CSMD1: variants seen among roughly 807,000 people sequenced by gnomAD.
CSMD1 encodes the protein CUB and sushi domain-containing protein 1.
In CSMD1, 213 loss-of-function variants were observed where a neutral mutation model predicts 417.5. The ratio of observed to expected loss-of-function variants is 0.51; its 90% CI spans 0.46 to 0.57. CSMD1 has a LOEUF of 0.57. CSMD1 is among the 20% of genes least tolerant of loss of function. The pLI, the probability that CSMD1 is intolerant of heterozygous loss-of-function variation, is 0.00. For missense variants in CSMD1, 6,923 were observed against 4,529.7 expected, an observed-to-expected ratio of 1.53 and a Z score of -15.17; for synonymous variants, 2,862 against 1,736.8, an observed-to-expected ratio of 1.65 and a Z score of -16.11.
chr8:2,963,310 G>C lies in CSMD1; in HGVS notation c.9366C>G (p.Ser3122Arg), dbSNP rs1368831951. ...GAGAGAGCTGGTAACCGTCCATGCA[G>C]CTGTAACTTATGCTGGAGCCCCAGC... is the stretch of plus-strand genomic sequence containing the variant. ...DFRWGSSISY[S>R]CMDGYQLSHS... Residue 3122 changes from serine (S) to arginine (R), a missense_variant, in exon 60 of 70, where the codon AGC becomes AGG. Transcript: ENST00000635120. 1.2e-6 allele frequency: 2 copies of C among 1,613,962 alleles called. No homozygotes were observed. Among genetic ancestry groups the C allele is most frequent in the East Asian group, 2.2e-5 (1 of 44,858 alleles).
chr8:3,142,009 G>C (rs1033745721), intron 41 of CSMD1, among the ~76,000 whole-genome samples: 2 of 152,174 alleles, frequency 1.3e-5, no homozygotes, highest in African/African-American at 4.8e-5. Flanking sequence ...GTGTTAGCCA[G>C]GATGGTCTCG....
At chr8:4,261,515 G>A (rs1025576895) in intron 3 of CSMD1, among the ~76,000 whole-genome samples, 1 of 152,172 alleles carries the variant, frequency 6.6e-6, no homozygotes, top group African/African-American at 2.4e-5. Context: ...TAGTAATACT[G>A]TTATTATATA....
chr8:3,606,770 G>T (rs557978348), intron 8 of CSMD1, among the ~76,000 whole-genome samples: 229 of 150,940 alleles, frequency 1.5e-3, no homozygotes, highest in African/African-American at 5.5e-3. Context: ...GGGTACAGTG[G>T]CGTGATCTCC....
intron 3 of CSMD1, among the ~76,000 whole-genome samples, chr8:4,202,673 A>G (rs1615462): frequency 0.98 from 148,811 of 152,316 alleles, 72,793 homozygotes; most frequent in Middle Eastern, 1. Context: ...TACACTCATA[A>G]AACTTTCAGT....
At chr8:4,853,735 G>A (rs568376198) in intron 1 of CSMD1, among the ~76,000 whole-genome samples, 3 of 152,134 alleles carry the variant, frequency 2.0e-5, no homozygotes, top group South Asian at 2.1e-4. Context: ...ATGCAATCTC[G>A]TCATGGAAAA....
intron 37 of CSMD1, among the ~76,000 whole-genome samples, chr8:3,163,080 T>A (rs1017280178): frequency 3.9e-5 from 6 of 152,206 alleles, no homozygotes; most frequent in African/African-American, 7.2e-5. Context: ...CTTTCCATTA[T>A]GAGATGAGCA....
In CSMD1 at chr8:4,006,401, G is replaced by A. The variant is rs191051198; in HGVS notation, c.611-8291C>T. 3.9e-5 allele frequency among the ~76,000 whole-genome samples: 6 copies of A among 152,242 alleles called. No individual in the cohort carries two copies. The East Asian group carries it at 9.7e-4, about 25-fold the overall frequency. ...TCTACTAAAAATACAAAAAATAGCTGGGTGTGGTGGTCCATGCCTGTAATT... is the reference window on the plus strand; with the variant it reads ...TCTACTAAAAATACAAAAAATAGCTAGGTGTGGTGGTCCATGCCTGTAATT... On this transcript the variant is annotated intron_variant, in intron 4 of 69. Coordinates refer to ENST00000635120, the MANE Select transcript of CSMD1 (RefSeq NM_033225.6).
intron 1 of CSMD1, among the ~76,000 whole-genome samples, chr8:4,740,263 A>G (rs1341502199): frequency 1.3e-5 from 2 of 152,210 alleles, no homozygotes; most frequent in Admixed American, 1.3e-4. Context: ...TAATAATATT[A>G]GTAATAGTCT....
At chr8:3,925,584 G>A (rs1280648305) in intron 5 of CSMD1, among the ~76,000 whole-genome samples, 3 of 152,100 alleles carry the variant, frequency 2.0e-5, no homozygotes, top group Admixed American at 2.0e-4. Context: ...GAATCGTGGA[G>A]ACCAGTCTTT....
At chr8:3,003,412 T>C (rs1468930877) in intron 52 of CSMD1, among the ~76,000 whole-genome samples, 2 of 152,198 alleles carry the variant, frequency 1.3e-5, no homozygotes, top group Admixed American at 1.3e-4. Flanking sequence ...TCCCTCAGGA[T>C]GAAATGTAAT....
intron 10 of CSMD1, among the ~76,000 whole-genome samples, chr8:3,522,666 G>C (rs1390151350): frequency 2.0e-5 from 3 of 152,072 alleles, no homozygotes; most frequent in African/African-American, 7.2e-5. Context: ...TGACATGTGA[G>C]TTTCAGTGAG....
At chr8:2,950,472 G>C (rs1194782812) in intron 66 of CSMD1, 129 bp from the exon 67 acceptor site, 3 of 627,622 alleles carry the variant, frequency 4.8e-6, no homozygotes, top group South Asian at 2.0e-5. Flanking sequence ...AACAGAAATT[G>C]TATTTTTATT....
chr8:3,776,229 A>T (rs1347347706), intron 5 of CSMD1, among the ~76,000 whole-genome samples: 1 of 152,150 alleles, frequency 6.6e-6, no homozygotes, highest in Non-Finnish European at 1.5e-5. Flanking sequence ...GCTCATCCGG[A>T]TGGAGGTCAC....
intron 2 of CSMD1, among the ~76,000 whole-genome samples, chr8:4,617,896 T>C (rs1300784519): frequency 6.6e-6 from 1 of 152,168 alleles, no homozygotes. Flanking sequence ...CCTGGACCAA[T>C]GCCTGGGACC....
rs138689697 is a variant in CSMD1 at position 4,044,842 on chromosome 8, G to C, written c.416-12743C>G. Among the ~76,000 whole-genome samples, 601 of 152,344 alleles carry C rather than the reference G, an allele frequency of 3.9e-3. 2 individuals carry two copies. Among genetic ancestry groups the C allele is most frequent in the African/African-American group, 0.014 (577 of 41,586 alleles). ...CCTCGATGAGTAGCACCCCAGGCTT[G>C]TACCATGCTGGGGACTGCACCATCC... is the stretch of plus-strand genomic sequence containing the variant. On this transcript the variant is annotated intron_variant, in intron 3 of 69. Coordinates refer to ENST00000635120, the MANE Select transcript of CSMD1 (RefSeq NM_033225.6).
chr8:4,993,245 C>G (rs1811570191), intron 1 of CSMD1, among the ~76,000 whole-genome samples: 1 of 151,902 alleles, frequency 6.6e-6, no homozygotes, highest in Non-Finnish European at 1.5e-5. Flanking sequence ...AAAAATGAAA[C>G]GAAAGAAAAA....
intron 3 of CSMD1, among the ~76,000 whole-genome samples, chr8:4,136,392 G>A (rs994827919): frequency 5.3e-5 from 8 of 152,236 alleles, no homozygotes; most frequent in South Asian, 2.1e-4. Flanking sequence ...CAACTTGACT[G>A]GAGGGTCCCT....
intron 3 of CSMD1, among the ~76,000 whole-genome samples, chr8:4,103,804 G>A (rs913560351): frequency 1.5e-4 from 23 of 152,140 alleles, no homozygotes; most frequent in African/African-American, 5.6e-4. Flanking sequence ...GACAGAAAGG[G>A]TAAATTCCAT....
rs777717027 is a variant in CSMD1, at chr8:3,017,806, TAAAAAAAA to T, written c.8029+663_8029+670del. Among the ~76,000 whole-genome samples the T allele has an allele frequency of 2.0e-4, 15 of 76,482 alleles. 1 individual carries two copies. Among genetic ancestry groups the T allele is most frequent in the African/African-American group, 4.9e-4 (9 of 18,404 alleles). 50.2% of individuals were successfully genotyped at this position (76,482 alleles called of 152,430 possible). ...CCAGTTTCTATGGCTTTGAGTGATT[TAAAAAAAA>T]AAAAAAAAAAAAAAAAAAAAAGGAA... On this transcript the variant is annotated intron_variant, in intron 52 of 69. Transcript: ENST00000635120.
Sources: gnomAD v4.1 joint callset for allele counts (sites outside exome capture counted in the v4.1 genomes callset) on GRCh38, gnomAD v4.1.1 for gene constraint, MANE v1.5 for transcripts, NCBI Gene and HGNC (gene_info 2026-07-23, HGNC 2026-07-21) for gene names.